PEDS1: variants seen among roughly 807,000 people sequenced by gnomAD.
The protein encoded by PEDS1 is plasmanylethanolamine desaturase 1, also known as CarF homolog.
In PEDS1, 14 loss-of-function variants were observed where a neutral mutation model predicts 35.2. The ratio of observed to expected loss-of-function variants is 0.40; its 90% CI spans 0.26 to 0.62. The LOEUF is 0.62. PEDS1 is among the 20% of genes least tolerant of loss of function. PEDS1 has a pLI of 0.44. For synonymous variants in PEDS1, 152 were observed against 152.0 expected (o/e 1.00, Z 0.00); for missense variants, 260 against 367.8 (o/e 0.71, Z 2.40).
intron 2 of PEDS1, among the ~76,000 whole-genome samples, chr20:50,135,658 CAAAAAAAAA>C (rs34069451): frequency 7.9e-5 from 3 of 37,848 alleles, no homozygotes; most frequent in Non-Finnish European, 1.4e-4. Context: ...AACTCCATCT[CAAAAAAAAA>C]AAAAAAAAAA....
chr20:50,130,254 A>AGGGAAGGAGAAATGCTGTTCTCC (rs2081162939), intron 3 of PEDS1, among the ~76,000 whole-genome samples: 3 of 152,202 alleles, frequency 2.0e-5, no homozygotes, highest in Admixed American at 1.3e-4. Flanking sequence ...CGGAAACTAC[A>AGGGAAGGAGAAATGCTGTTCTCC]GGGAAGGAGA....
rs749076049 is a variant in PEDS1 at position 50,129,561 on chromosome 20, G to A, written c.463C>T (p.Arg155Cys). Residue 155 changes from arginine to cysteine, a missense_variant, in exon 4 of 6, where the codon CGC becomes TGC. This residue lies in a region of PEDS1 where 29 missense variants were observed against 21.5 expected (regional missense o/e 1.35). Transcript: ENST00000371652. The surrounding 1 kb of genome is among the most constrained non-coding windows in gnomAD (Gnocchi z 4.2). ...LPLLNMAYKF[R>C]THSPEALEQL... ...GGTGTCTCACCAGGGCTGTGGGTGC[G>A]GAACTTGTAGGCCATGTTTAGCAGC... The A allele has an allele frequency of 2.5e-5, 41 of 1,614,002 alleles. No individual in the cohort carries two copies. Among genetic ancestry groups the A allele is most frequent in the Admixed American group, 1.0e-4 (6 of 59,990 alleles).
rs536159168 is a variant in PEDS1, at chr20:50,135,209, A to C, written c.242-4262T>G. 3.3e-5 allele frequency among the ~76,000 whole-genome samples: 5 copies of C among 152,154 alleles called. No homozygotes were observed. The East Asian group carries it at 9.7e-4, about 30-fold the overall frequency. On this transcript the variant is annotated intron_variant, in intron 2 of 5. Transcript: ENST00000371652. ...CAGAAATAAATAAATACATAAATGG[A>C]CAGTAAATATTTTGGGCTTTGCAGG...
At chr20:50,151,205 C>A (rs1484858092) in intron 1 of PEDS1, 1 of 1,299,848 alleles carries the variant, frequency 7.7e-7, no homozygotes, top group Non-Finnish European at 1.0e-6. Flanking sequence ...CAAGTCTCCT[C>A]CCCTACCTCC....
rs1019917607 is a variant in PEDS1 at position 50,148,421 on chromosome 20, C to T, written c.122-4800G>A. On this transcript the variant is annotated intron_variant, in intron 1 of 5. Transcript: ENST00000371652. ...ACAGGAGGCCCGGGCTGTCTTCTGG[C>T]TGTAGTGCTGAGGTCCTGCTATCAG... Among the ~76,000 whole-genome samples the T allele has an allele frequency of 5.3e-5, 8 of 152,268 alleles. No homozygotes were observed. In the East Asian group the frequency reaches 1.5e-3, roughly 29 times the overall value.
chr20:50,147,851 G>A (rs1298798326), intron 1 of PEDS1, among the ~76,000 whole-genome samples: 5 of 152,020 alleles, frequency 3.3e-5, no homozygotes, highest in Non-Finnish European at 5.9e-5. Context: ...TCAAGAGTTC[G>A]AGATCAGCCT....
chr20:50,137,559 C>T (rs1041060410), intron 2 of PEDS1, among the ~76,000 whole-genome samples: 8 of 152,128 alleles, frequency 5.3e-5, no homozygotes, highest in Admixed American at 1.3e-4. Flanking sequence ...CTACAACACA[C>T]CTGACTAGCA....
chr20:50,131,141 G>A (rs2081174563), intron 2 of PEDS1, 194 bp from the exon 3 acceptor site: 17 of 1,390,346 alleles, frequency 1.2e-5, no homozygotes, highest in African/African-American at 4.3e-5. Flanking sequence ...TGCTGTGCTC[G>A]GGGAGATGCC....
In PEDS1 at chr20:50,129,416, A is replaced by G; in HGVS notation, c.478+130T>C. On this transcript the variant is annotated intron_variant, in intron 4 of 5. Coordinates refer to ENST00000371652, the MANE Select transcript of PEDS1 (RefSeq NM_199129.4). The surrounding 1 kb of genome is among the most constrained non-coding windows in gnomAD (Gnocchi z 4.2). Reference sequence around the variant, plus strand: ...TTCATGTCAGGTTTCCTGATTTTACATGAAGACAATGAATGAAAACTCTTT... The same window carrying G: ...TTCATGTCAGGTTTCCTGATTTTACGTGAAGACAATGAATGAAAACTCTTT... 5 of 1,365,012 alleles carry G rather than the reference A, an allele frequency of 3.7e-6. No individual in the cohort carries two copies. The highest frequency in any genetic ancestry group is 4.9e-6 in the Non-Finnish European group (5 of 1,030,690). The allele number at this position is 1,365,012 out of a possible 1,614,324, so 84.6% of individuals were successfully genotyped here.
Position 50,129,627 on chromosome 20 carries a change from T to C in PEDS1, c.397A>G (p.Ile133Val). ...DPTAITRHDFIETNGDNCLVT... is the reference protein window; with the variant it reads ...DPTAITRHDFVETNGDNCLVT... ...AGGCAGTTGTCCCCGTTGGTCTCGA[T>C]GAAGTCGTGCCGTGTGATAGCTGTC... is the stretch of plus-strand genomic sequence containing the variant. Residue 133 changes from isoleucine (I) to valine (V), a missense_variant, in exon 4 of 6, where the codon ATC becomes GTC. Ile to Val is a conservative substitution (Grantham distance 29). Around this residue, in one of 4 missense-constraint regions of PEDS1, gnomAD observed 34 missense variants for 81.9 expected, o/e 0.41. Coordinates refer to ENST00000371652, the MANE Select transcript of PEDS1 (RefSeq NM_199129.4). This position sits in a 1 kb window ranked among gnomAD's most constrained non-coding sequence, Gnocchi z 4.2. The C allele has an allele frequency of 5.0e-6, 8 of 1,614,094 alleles. No individual in the cohort carries two copies. The highest frequency in any genetic ancestry group is 2.7e-5 in the African/African-American group (2 of 75,020).
rs1452907536 is a variant in PEDS1, at chr20:50,125,059, T to C, written c.812A>G (p.Ter271=). ...AACCAGGTAGCAGGCTCGGAGAAGT[T>C]ATTTGATCTTCTGGGCCCATTTCAT... ...DDMKWAQKIK[*] is the part of the protein sequence containing the mutation. Residue 271 remains the stop codon, a stop_retained_variant, in exon 6 of 6, where the codon TAA becomes TGA. Transcript: ENST00000371652. 6.2e-7 allele frequency: 1 copy of C among 1,613,522 alleles called. No individual in the cohort carries two copies. Among genetic ancestry groups the C allele is most frequent in the Admixed American group, 1.7e-5 (1 of 60,000 alleles).
rs1198961895 is a variant in PEDS1, at chr20:50,124,731, C to T, written c.*327G>A. 2 of 258,450 alleles carry T rather than the reference C, an allele frequency of 7.7e-6. No individual in the cohort carries two copies. Among genetic ancestry groups the T allele is most frequent in the Admixed American group, 9.6e-5 (2 of 20,832 alleles). The allele number at this position is 258,450 out of a possible 1,614,324, so 16.0% of individuals were successfully genotyped here. ...AACTCACTGGCCCCAACGCCAGCCA[C>T]ACTGAAGGGCTGCCCAGCGGGGCAG... On this transcript the variant is annotated 3_prime_UTR_variant, in exon 6 of 6. Transcript: ENST00000371652.
In PEDS1 at chr20:50,136,678, G is replaced by A. The variant is rs143063269; in HGVS notation, c.242-5731C>T. On this transcript the variant is annotated intron_variant, in intron 2 of 5. Transcript: ENST00000371652. ...GAAGAGGTAGCAGTGAGCCAAGATC[G>A]TGCCACTACACTCCAGCCTGGGTGA... Among the ~76,000 whole-genome samples the A allele has an allele frequency of 3.7e-3, 520 of 139,274 alleles. 5 individuals carry two copies. The highest frequency in any genetic ancestry group is 0.013 in the African/African-American group (490 of 36,838). 91.4% of individuals were successfully genotyped at this position (139,274 alleles called of 152,430 possible).
chr20:50,151,148 T>C (rs886488650), intron 1 of PEDS1: 68 of 913,180 alleles, frequency 7.4e-5, no homozygotes, highest in South Asian at 2.8e-4. Flanking sequence ...AGTGAGCAGA[T>C]AGAAGCAGAG....
Position 50,123,502 on chromosome 20 carries a change from G to C in PEDS1, c.*1556C>G, listed in dbSNP as rs1179324149. 6.6e-6 allele frequency: 1 copy of C among 152,324 alleles called. No individual in the cohort carries two copies. Among genetic ancestry groups the C allele is most frequent in the African/African-American group, 2.4e-5 (1 of 41,452 alleles). The allele number at this position is 152,324 out of a possible 1,614,324, so 9.4% of individuals were successfully genotyped here. ...GCTGGTCTAGAACTCCTGACCTCAGGTGATCTGTCCGCCTCAGCCTCCCAA... is the reference window on the plus strand; with the variant it reads ...GCTGGTCTAGAACTCCTGACCTCAGCTGATCTGTCCGCCTCAGCCTCCCAA... On this transcript the variant is annotated 3_prime_UTR_variant, in exon 6 of 6. Transcript: ENST00000371652.
chr20:50,147,516 ATC>A (rs1601233295), intron 1 of PEDS1, among the ~76,000 whole-genome samples: 2 of 152,162 alleles, frequency 1.3e-5, no homozygotes, highest in East Asian at 3.8e-4. Flanking sequence ...GAACTGAGTG[ATC>A]TCATTTCCTA....
Position 50,130,138 on chromosome 20 carries a change from G to T in PEDS1, c.334-448C>A, listed in dbSNP as rs6020282. Among the ~76,000 whole-genome samples the T allele has an allele frequency of 1.9e-3, 283 of 152,304 alleles. 3 individuals are homozygous for T. Among genetic ancestry groups the T allele is most frequent in the African/African-American group, 6.6e-3 (275 of 41,574 alleles). ...CGGGCTGAGAAAGAACACGTGACCA[G>T]GCCTGGCCAATCATAGCATCTCCTC... On this transcript the variant is annotated intron_variant, in intron 3 of 5. Coordinates refer to ENST00000371652, the MANE Select transcript of PEDS1 (RefSeq NM_199129.4).
intron 1 of PEDS1, among the ~76,000 whole-genome samples, chr20:50,147,048 G>T (rs781408199): frequency 6.6e-6 from 1 of 152,130 alleles, no homozygotes; most frequent in Non-Finnish European, 1.5e-5. Context: ...CTTCCCGATC[G>T]ACCTGCCTGC....
Position 50,129,608 on chromosome 20 carries a change from T to C in PEDS1, c.416A>G (p.Asn139Ser). 6.2e-7 allele frequency: 1 copy of C among 1,614,046 alleles called. No individual in the cohort carries two copies. The highest frequency in any genetic ancestry group is 8.5e-7 in the Non-Finnish European group (1 of 1,180,000). Residue 139 changes from asparagine to serine, a missense_variant, in exon 4 of 6, where the codon AAC becomes AGC. Physicochemically the swap from Asn to Ser is conservative, Grantham distance 46. Coordinates refer to ENST00000371652, the MANE Select transcript of PEDS1 (RefSeq NM_199129.4). The surrounding 1 kb of genome is among the most constrained non-coding windows in gnomAD (Gnocchi z 4.2). Reference protein sequence around the residue: ...RHDFIETNGDNCLVTLLPLLN... With the variant: ...RHDFIETNGDSCLVTLLPLLN... ...CAGCGGCAGCAGTGTCACCAGGCAG[T>C]TGTCCCCGTTGGTCTCGATGAAGTC...
Sources: allele counts gnomAD v4.1 joint callset (sites outside exome capture counted in the v4.1 genomes callset), GRCh38; gene constraint gnomAD v4.1.1; regional missense constraint gnomAD v4.1.1; non-coding constraint Gnocchi (gnomAD v3.1); transcripts MANE v1.5; gene names NCBI Gene and HGNC (gene_info 2026-07-23, HGNC 2026-07-21).